COLEC10: variants seen among roughly 807,000 people sequenced by gnomAD.
The protein encoded by COLEC10 is collectin-10.
Under a neutral mutation model 28.4 loss-of-function variants are expected in COLEC10, and 22 were observed. The observed-to-expected ratio is 0.78, with a 90% confidence interval of 0.55 to 1.11. COLEC10 has a LOEUF of 1.11. Ranked by LOEUF, COLEC10 falls within the 50% of genes least tolerant of loss-of-function variation. The pLI is 0.00. For missense variants in COLEC10, 361 were observed against 344.1 expected (o/e 1.05, Z -0.39); for synonymous variants, 125 against 116.1 (o/e 1.08, Z -0.49).
At position 119,013,998 on chromosome 8, in the gene COLEC10, G is replaced by T. The variant is rs1488757773; in HGVS notation, n.235+4445G>T. Among the ~76,000 whole-genome samples, 12 of 149,838 alleles carry T rather than the reference G, an allele frequency of 8.0e-5. 1 individual carries two copies. The highest frequency in any genetic ancestry group is 3.0e-4 in the African/African-American group (12 of 39,868). ...TTCTCCCTTCCTTTTTTGTATTATT[G>T]CTCTCATTAATATCACTCACACACA... On this transcript the variant is annotated intron_variant and non_coding_transcript_variant, in intron 2 of 6. Coordinates refer to the COLEC10 transcript ENST00000521788.
At chr8:119,000,988 A>G (rs1278008048) in intron 1 of COLEC10, among the ~76,000 whole-genome samples, 1 of 152,158 alleles carries the variant, frequency 6.6e-6, no homozygotes, top group Non-Finnish European at 1.5e-5. Flanking sequence ...GTATTAACAA[A>G]AGGGCAGAGG....
the COLEC10 span, among the ~76,000 whole-genome samples, chr8:118,969,941 A>G: frequency 6.6e-6 from 1 of 151,974 alleles, no homozygotes; most frequent in Non-Finnish European, 1.5e-5. Context: ...ATCCCCAACA[A>G]ACCAAGTCCA....
intron 2 of COLEC10, among the ~76,000 whole-genome samples, chr8:119,058,752 A>G (rs1814804261): frequency 6.6e-6 from 1 of 152,060 alleles, no homozygotes. Context: ...GTGTGGACAC[A>G]TGTCTTGATT....
chr8:119,057,194 A>T (rs2130188646), intron 2 of COLEC10, among the ~76,000 whole-genome samples: 1 of 151,942 alleles, frequency 6.6e-6, no homozygotes, highest in African/African-American at 2.4e-5. Context: ...ACAAGATCTG[A>T]TGGTTTTATA....
In COLEC10 at chr8:119,051,649, C is replaced by T. The variant is rs1231958796; in HGVS notation, n.236-38031C>T. On this transcript the variant is annotated intron_variant and non_coding_transcript_variant, in intron 2 of 6. Coordinates refer to the COLEC10 transcript ENST00000521788. ...AAAAGATTGTGAAACTTAACCACGG[C>T]ATGAGGAAAGAAAATAAAAACAATG... 2.6e-5 allele frequency among the ~76,000 whole-genome samples: 4 copies of T among 152,198 alleles called. No homozygotes were observed. The East Asian group carries it at 7.7e-4, about 29-fold the overall frequency.
upstream of COLEC10, among the ~76,000 whole-genome samples, chr8:119,066,386 C>A (rs1199573009): frequency 1.3e-5 from 2 of 152,204 alleles, no homozygotes; most frequent in African/African-American, 4.8e-5. Context: ...GATCTACATA[C>A]TCTACATCTA....
intron 4 of COLEC10, among the ~76,000 whole-genome samples, chr8:119,103,428 G>A (rs1044739011): frequency 6.6e-6 from 1 of 152,072 alleles, no homozygotes; most frequent in Non-Finnish European, 1.5e-5. Flanking sequence ...ACACTGGCAG[G>A]AAATATGTTT....
intron 3 of COLEC10, among the ~76,000 whole-genome samples, chr8:119,091,595 G>GAGAGAA (rs1250359009): frequency 1.4e-3 from 189 of 138,554 alleles, no homozygotes; most frequent in Middle Eastern, 3.5e-3. Flanking sequence ...GAGAGAGAGA[G>GAGAGAA]AGAAAGAAAG....
At chr8:119,099,043 G>A (rs1401057011) in intron 3 of COLEC10, among the ~76,000 whole-genome samples, 1 of 152,012 alleles carries the variant, frequency 6.6e-6, no homozygotes, top group Non-Finnish European at 1.5e-5. Flanking sequence ...AAATAATAGT[G>A]ATTTAGTATA....
At chr8:119,100,568 A>G (rs6985585) in intron 3 of COLEC10, among the ~76,000 whole-genome samples, 208 of 152,292 alleles carry the variant, frequency 1.4e-3, no homozygotes, top group African/African-American at 4.1e-3. Context: ...CTTTATCCCA[A>G]CTATATCCTC....
At chr8:118,953,077 G>A in the COLEC10 span, among the ~76,000 whole-genome samples, 1 of 152,192 alleles carries the variant, frequency 6.6e-6, no homozygotes, top group Non-Finnish European at 1.5e-5. Flanking sequence ...AGCAAGGATG[G>A]CTTACCAGGA....
chr8:118,989,515 A>T, the COLEC10 span, among the ~76,000 whole-genome samples: 3 of 148,234 alleles, frequency 2.0e-5, no homozygotes, highest in Non-Finnish European at 4.5e-5. Context: ...AGCAGGATTT[A>T]AAAAAAAGAC....
intron 1 of COLEC10, among the ~76,000 whole-genome samples, chr8:119,084,580 T>C (rs1280577369): frequency 6.6e-6 from 1 of 152,238 alleles, no homozygotes. Context: ...CAGTGTGGGC[T>C]TGAGATGAAC....
At chr8:118,980,439 G>T in the COLEC10 span, among the ~76,000 whole-genome samples, 33 of 151,708 alleles carry the variant, frequency 2.2e-4, no homozygotes, top group African/African-American at 8.0e-4. Context: ...GTGATCTGCC[G>T]GTCTCTTCCT....
chr8:119,035,650 T>G (rs537163826), intron 2 of COLEC10, among the ~76,000 whole-genome samples: 1 of 152,336 alleles, frequency 6.6e-6, no homozygotes, highest in East Asian at 1.9e-4. Flanking sequence ...ACCACAGAGT[T>G]CAGAGAAGGT....
At chr8:119,069,504 G>T (rs1288054844) in intron 1 of COLEC10, among the ~76,000 whole-genome samples, 1 of 147,464 alleles carries the variant, frequency 6.8e-6, no homozygotes, top group East Asian at 2.0e-4. Context: ...TTACTTGGAC[G>T]TCTGAGGCAG....
Position 119,107,094 on chromosome 8 carries a change from G to A in COLEC10, c.*903G>A, listed in dbSNP as rs6984886. ...TCAATTTTATTCACCTTAGGCATAG[G>A]GAATGAGGGAAGGAGTTTGTGAAGC... On this transcript the variant is annotated 3_prime_UTR_variant, in exon 6 of 6. Coordinates refer to ENST00000332843, the MANE Select transcript of COLEC10 (RefSeq NM_006438.5). 0.18 allele frequency among the ~76,000 whole-genome samples: 26,647 copies of A among 152,060 alleles called. 4,848 individuals carry two copies. The highest frequency in any genetic ancestry group is 0.46 in the African/African-American group (19,262 of 41,434).
At chr8:119,031,872 T>C (rs1183655784) in intron 2 of COLEC10, among the ~76,000 whole-genome samples, 1 of 150,380 alleles carries the variant, frequency 6.6e-6, no homozygotes, top group Non-Finnish European at 1.5e-5. Context: ...TCTTAAAGAA[T>C]GAGACCTTAA....
At chr8:118,992,656 G>T (rs563214392), upstream of COLEC10, among the ~76,000 whole-genome samples, 1 of 152,072 alleles carries the variant, frequency 6.6e-6, no homozygotes, top group Non-Finnish European at 1.5e-5. Flanking sequence ...AGAAAACACC[G>T]TAGATATTTT....
Sources: gnomAD v4.1 joint callset for allele counts (sites outside exome capture counted in the v4.1 genomes callset) on GRCh38, gnomAD v4.1.1 for gene constraint, MANE v1.5 for transcripts, NCBI Gene and HGNC (gene_info 2026-07-23, HGNC 2026-07-21) for gene names.